ROBO2: variants seen among roughly 807,000 people sequenced by gnomAD.
ROBO2 encodes the protein roundabout guidance receptor 2, also known as roundabout homolog 2.
Under a neutral mutation model 160.8 loss-of-function variants are expected in ROBO2, and 53 were observed. That is an observed-to-expected ratio of 0.33 (90% CI 0.26 to 0.41). ROBO2 has a LOEUF of 0.41. ROBO2 is among the 10% of genes least tolerant of loss of function. The pLI, the probability that ROBO2 is intolerant of heterozygous loss-of-function variation, is 1.00. For missense variants in ROBO2, 1,577 were observed against 1,722.4 expected, an observed-to-expected ratio of 0.92 and a Z score of 1.49; for synonymous variants, 664 against 611.7, an observed-to-expected ratio of 1.09 and a Z score of -1.26.
intron 2 of ROBO2, among the ~76,000 whole-genome samples, chr3:77,122,464 A>G (rs1018063332): frequency 6.6e-6 from 1 of 152,236 alleles, no homozygotes; most frequent in Non-Finnish European, 1.5e-5. Flanking sequence ...GTTATAATTT[A>G]GCCGTCGCTG....
chr3:76,058,589 C>CTTTTTTTTTTT (rs10676074), intron 2 of ROBO2, among the ~76,000 whole-genome samples: 28 of 48,844 alleles, frequency 5.7e-4, no homozygotes, highest in South Asian at 1.4e-3. Context: ...ACAGCAGAAA[C>CTTTTTTTTTTT]TTTTTTTTTT....
At chr3:77,253,320 A>G (rs2090586566) in intron 2 of ROBO2, among the ~76,000 whole-genome samples, 1 of 152,164 alleles carries the variant, frequency 6.6e-6, no homozygotes, top group African/African-American at 2.4e-5. Context: ...CTATGAGTTG[A>G]ATTATGTATT....
At chr3:77,211,127 T>G (rs2084091599) in intron 2 of ROBO2, among the ~76,000 whole-genome samples, 1 of 152,290 alleles carries the variant, frequency 6.6e-6, no homozygotes, top group South Asian at 2.1e-4. Flanking sequence ...CTGGGTCAAA[T>G]GGTATTTCTA....
intron 2 of ROBO2, among the ~76,000 whole-genome samples, chr3:76,224,262 A>G (rs778221575): frequency 1.3e-5 from 2 of 152,218 alleles, no homozygotes; most frequent in African/African-American, 2.4e-5. Context: ...CAGGAAAGAC[A>G]GTTGTGTAAT....
chr3:77,136,594 C>T (rs1000570565), intron 2 of ROBO2, among the ~76,000 whole-genome samples: 35 of 149,112 alleles, frequency 2.3e-4, no homozygotes, highest in Admixed American at 2.3e-3. Context: ...CCAACCTCAG[C>T]GTCCCCAGTA....
chr3:76,346,514 C>A (rs144511672), intron 2 of ROBO2, among the ~76,000 whole-genome samples: 24 of 152,114 alleles, frequency 1.6e-4, no homozygotes, highest in Non-Finnish European at 2.5e-4. Flanking sequence ...ACTCTTTTGG[C>A]CTTCAAAATC....
chr3:76,410,129 T>C (rs185617912), intron 2 of ROBO2, among the ~76,000 whole-genome samples: 2 of 152,214 alleles, frequency 1.3e-5, no homozygotes, highest in Admixed American at 1.3e-4. Flanking sequence ...TACTAGAAAT[T>C]TGTAGGCAAA....
chr3:77,012,145 T>C (rs960271498), intron 2 of ROBO2, among the ~76,000 whole-genome samples: 1 of 152,162 alleles, frequency 6.6e-6, no homozygotes, highest in Non-Finnish European at 1.5e-5. Context: ...TGAAGGGCAA[T>C]GAATACATGA....
chr3:75,956,070 G>A (rs1225345209), intron 2 of ROBO2, among the ~76,000 whole-genome samples: 2 of 151,688 alleles, frequency 1.3e-5, no homozygotes, highest in Non-Finnish European at 2.9e-5. Flanking sequence ...ATCACTGTTG[G>A]CACATGATAT....
intron 2 of ROBO2, among the ~76,000 whole-genome samples, chr3:76,690,971 G>C (rs2092789055): frequency 6.6e-6 from 1 of 152,042 alleles, no homozygotes; most frequent in Admixed American, 6.6e-5. Flanking sequence ...TGTAGTCCTA[G>C]CTTCTCAAGA....
At chr3:77,442,766 G>T (rs2080086611) in intron 2 of ROBO2, among the ~76,000 whole-genome samples, 1 of 152,148 alleles carries the variant, frequency 6.6e-6, no homozygotes, top group Non-Finnish European at 1.5e-5. Context: ...AATTTGAAAC[G>T]CTAAATCAGA....
chr3:76,794,302 T>C (rs1471335475), intron 2 of ROBO2, among the ~76,000 whole-genome samples: 1 of 151,954 alleles, frequency 6.6e-6, no homozygotes, highest in African/African-American at 2.4e-5. Context: ...TAGCAAGCTA[T>C]TCAGGGTAGG....
At chr3:77,205,582 C>T (rs2083355985) in intron 2 of ROBO2, among the ~76,000 whole-genome samples, 1 of 152,088 alleles carries the variant, frequency 6.6e-6, no homozygotes, top group African/African-American at 2.4e-5. Flanking sequence ...CCCCTAAGGG[C>T]AGCAGGTATC....
chr3:76,563,924 A>C (rs562057691), intron 2 of ROBO2, among the ~76,000 whole-genome samples: 2 of 152,340 alleles, frequency 1.3e-5, no homozygotes, highest in East Asian at 3.9e-4. Context: ...AATTCAAGTA[A>C]GATCTAAAAG....
intron 2 of ROBO2, among the ~76,000 whole-genome samples, chr3:76,029,014 T>C (rs1326509816): frequency 6.6e-6 from 1 of 151,954 alleles, no homozygotes; most frequent in South Asian, 2.1e-4. Flanking sequence ...TATGCAAATA[T>C]CAGTTTAGTC....
intron 2 of ROBO2, among the ~76,000 whole-genome samples, chr3:76,050,182 C>T (rs2067606739): frequency 6.6e-6 from 1 of 152,154 alleles, no homozygotes; most frequent in South Asian, 2.1e-4. Context: ...AATCAGCTGC[C>T]ATTGTGGCTA....
chr3:76,041,783 T>C (rs1362404326), intron 2 of ROBO2, among the ~76,000 whole-genome samples: 6 of 151,984 alleles, frequency 3.9e-5, no homozygotes. Context: ...CTTATGACAT[T>C]TTATGTTGAT....
intron 2 of ROBO2, among the ~76,000 whole-genome samples, chr3:76,803,161 C>A (rs1167033): frequency 0.5 from 75,569 of 151,884 alleles, 19,811 homozygotes; most frequent in African/African-American, 0.68. Flanking sequence ...TTGTCTCTTA[C>A]TTCATAAGAG....
intron 19 of ROBO2, among the ~76,000 whole-genome samples, chr3:77,601,559 A>G (rs191979496): frequency 4.6e-4 from 70 of 152,274 alleles, no homozygotes; most frequent in Middle Eastern, 3.4e-3. Flanking sequence ...TTCGGAGTTG[A>G]TAGCATAAAT....
Sources: allele counts gnomAD v4.1 joint callset (sites outside exome capture counted in the v4.1 genomes callset), GRCh38; gene constraint gnomAD v4.1.1; transcripts MANE v1.5; gene names NCBI Gene and HGNC (gene_info 2026-07-23, HGNC 2026-07-21).